Variants in CDH19 observed in about 807,000 individuals in gnomAD.
CDH19 encodes cadherin 19.
A neutral mutation model predicts 64.2 loss-of-function variants in CDH19; 67 were observed. That is an observed-to-expected ratio of 1.04 (90% CI 0.86 to 1.28). The LOEUF (loss-of-function observed/expected upper bound fraction) is 1.28, where lower values mean the gene tolerates loss of function less well. CDH19 is among the 50% of genes most tolerant of loss of function. The pLI is 0.00. For missense variants in CDH19, 1,030 were observed against 929.0 expected (o/e 1.11, Z -1.41); for synonymous variants, 346 against 319.3 (o/e 1.08, Z -0.89).
At chr18:66,598,045 A>G (rs1239285932) in intron 1 of CDH19, among the ~76,000 whole-genome samples, 1 of 152,182 alleles carries the variant, frequency 6.6e-6, no homozygotes, top group Admixed American at 6.5e-5. Flanking sequence ...GTATAAAAAA[A>G]AATATTCCAA....
intron 11 of CDH19, among the ~76,000 whole-genome samples, chr18:66,505,869 A>G (rs966031563): frequency 2.6e-5 from 4 of 151,912 alleles, no homozygotes; most frequent in Non-Finnish European, 4.4e-5. Context: ...GATTGATTTT[A>G]TTCTTGTGAA....
In CDH19 at chr18:66,544,661, ATATGT is replaced by A. The variant is rs961670014; in HGVS notation, c.960+53_960+57del. On this transcript the variant is annotated intron_variant, in intron 6 of 11. Transcript: ENST00000262150. ...GTTAAAAACTAACCAGCTACACAAAATATGTTATGTTTTAATTTTGCGCTATTCTG... is the reference window on the plus strand; with the variant it reads ...GTTAAAAACTAACCAGCTACACAAAATATGTTTTAATTTTGCGCTATTCTG... 48 of 1,193,258 alleles carry A rather than the reference ATATGT, an allele frequency of 4.0e-5. No individual in the cohort carries two copies. The African/African-American group carries it at 6.1e-4, about 15-fold the overall frequency. The allele number at this position is 1,193,258 out of a possible 1,614,324, so 73.9% of individuals were successfully genotyped here. A position where few individuals can be genotyped will look rare whatever the true frequency, so the allele number is the denominator to read the frequency against.
intron 1 of CDH19, among the ~76,000 whole-genome samples, chr18:66,573,785 CCT>C (rs1411608570): frequency 3.3e-5 from 5 of 150,598 alleles, no homozygotes; most frequent in African/African-American, 9.7e-5. Context: ...ATATCATTAC[CCT>C]GTTTCAGTAA....
chr18:66,593,447 T>C (rs967506418), intron 1 of CDH19, among the ~76,000 whole-genome samples: 16 of 152,004 alleles, frequency 1.1e-4, no homozygotes, highest in African/African-American at 2.7e-4. Flanking sequence ...CTTTTTGACA[T>C]ATAAGTTCTC....
intron 9 of CDH19, among the ~76,000 whole-genome samples, chr18:66,519,853 T>G (rs1985902942): frequency 6.6e-6 from 1 of 152,110 alleles, no homozygotes; most frequent in African/African-American, 2.4e-5. Context: ...AAAGATGCAC[T>G]CAGCTATCAT....
intron 7 of CDH19, among the ~76,000 whole-genome samples, chr18:66,543,753 C>T (rs554585441): frequency 6.6e-6 from 1 of 152,042 alleles, no homozygotes; most frequent in East Asian, 2.0e-4. Context: ...CGTGGTGGCG[C>T]ATGCCTATAG....
intron 1 of CDH19, among the ~76,000 whole-genome samples, chr18:66,593,062 A>G (rs989618404): frequency 1.3e-5 from 2 of 150,614 alleles, no homozygotes; most frequent in African/African-American, 4.9e-5. Context: ...TCACAACAGT[A>G]TTTTTTTTTA....
intron 9 of CDH19, among the ~76,000 whole-genome samples, chr18:66,513,619 G>T (rs538918516): frequency 9.9e-5 from 15 of 151,322 alleles, no homozygotes; most frequent in African/African-American, 3.4e-4. Flanking sequence ...CAATGGAAAG[G>T]TTTTCATTTT....
At chr18:66,511,450 G>T in intron 10 of CDH19, 118 bp downstream of exon 10, 1 of 560,038 alleles carries the variant, frequency 1.8e-6, no homozygotes, top group Non-Finnish European at 3.2e-6. Flanking sequence ...TCTTTTGCTT[G>T]ATTTCCAAAC....
chr18:66,583,418 T>C (rs879645144), intron 1 of CDH19, among the ~76,000 whole-genome samples: 1 of 152,084 alleles, frequency 6.6e-6, no homozygotes, highest in Non-Finnish European at 1.5e-5. Flanking sequence ...GAGTTTGTTG[T>C]ACAGATTATT....
At chr18:66,538,641 G>A (rs552655036) in intron 7 of CDH19, among the ~76,000 whole-genome samples, 2 of 152,140 alleles carry the variant, frequency 1.3e-5, no homozygotes, top group African/African-American at 4.8e-5. Flanking sequence ...TAGGCCTGCT[G>A]CAACAAAACA....
At chr18:66,581,114 G>A (rs1988409385) in intron 1 of CDH19, among the ~76,000 whole-genome samples, 1 of 152,136 alleles carries the variant, frequency 6.6e-6, no homozygotes, top group Non-Finnish European at 1.5e-5. Context: ...TAACATTTCA[G>A]TATGAAGAAA....
intron 9 of CDH19, among the ~76,000 whole-genome samples, chr18:66,514,273 C>T (rs1160405378): frequency 2.0e-5 from 3 of 150,952 alleles, no homozygotes; most frequent in African/African-American, 7.3e-5. Context: ...GATTTACATA[C>T]AAAATGATAC....
rs867891158 is a variant in CDH19, at chr18:66,502,637, G to C, written c.*2175C>G. 1 of 151,762 alleles carries C rather than the reference G, an allele frequency of 6.6e-6. No individual in the cohort carries two copies. Among genetic ancestry groups the C allele is most frequent in the Non-Finnish European group, 1.5e-5 (1 of 67,874 alleles). 9.4% of individuals were successfully genotyped at this position (151,762 alleles called of 1,614,324 possible). On this transcript the variant is annotated 3_prime_UTR_variant, in exon 12 of 12. Transcript: ENST00000262150. ...TGGAATAATTCATGAAAATTTCTCT[G>C]ACTATACATTTTCAATTTTCATGTC...
At chr18:66,530,715 T>A (rs976995884) in intron 8 of CDH19, among the ~76,000 whole-genome samples, 7 of 152,122 alleles carry the variant, frequency 4.6e-5, no homozygotes, top group African/African-American at 1.7e-4. Flanking sequence ...ATTCGATTTA[T>A]CTTATAGCAG....
At chr18:66,542,449 T>C (rs1247111272) in intron 7 of CDH19, among the ~76,000 whole-genome samples, 2 of 152,128 alleles carry the variant, frequency 1.3e-5, no homozygotes, top group Non-Finnish European at 2.9e-5. Context: ...GCTTTGGTTT[T>C]TTATGCCCAA....
At chr18:66,537,841 G>A (rs1467896702) in intron 7 of CDH19, among the ~76,000 whole-genome samples, 1 of 151,788 alleles carries the variant, frequency 6.6e-6, no homozygotes, top group Non-Finnish European at 1.5e-5. Context: ...GACATCAGCA[G>A]GAAATATATG....
intron 7 of CDH19, among the ~76,000 whole-genome samples, chr18:66,536,811 T>C (rs966756957): frequency 6.6e-6 from 1 of 151,762 alleles, no homozygotes; most frequent in African/African-American, 2.4e-5. Context: ...TTGAGGTAAG[T>C]TTTAGTTAAA....
intron 3 of CDH19, among the ~76,000 whole-genome samples, chr18:66,558,033 G>A (rs1394497478): frequency 6.6e-6 from 1 of 151,470 alleles, no homozygotes; most frequent in Admixed American, 6.6e-5. Context: ...CTCCTTATTA[G>A]TGCAACTCCT....
Sources: gnomAD v4.1 joint callset for allele counts (sites outside exome capture counted in the v4.1 genomes callset) on GRCh38, gnomAD v4.1.1 for gene constraint, MANE v1.5 for transcripts, NCBI Gene and HGNC (gene_info 2026-07-23, HGNC 2026-07-21) for gene names.